Variants in YTHDC1 observed in about 807,000 individuals in gnomAD.
YTHDC1 encodes the protein YTH domain-containing protein 1.
A neutral mutation model predicts 107.0 loss-of-function variants in YTHDC1; 12 were observed. That is an observed-to-expected ratio of 0.11 (90% CI 0.07 to 0.18). The LOEUF (loss-of-function observed/expected upper bound fraction) is 0.18. Ranked by LOEUF, YTHDC1 falls within the 10% of genes least tolerant of loss-of-function variation. The pLI is 1.00. For missense variants in YTHDC1, 635 were observed against 898.8 expected, an observed-to-expected ratio of 0.71 and a Z score of 3.75; for synonymous variants, 280 against 289.5, an observed-to-expected ratio of 0.97 and a Z score of 0.33.
intron 16 of YTHDC1, among the ~76,000 whole-genome samples, chr4:68,315,501 ATATCC>A (rs1721759916): frequency 6.6e-6 from 1 of 152,176 alleles, no homozygotes; most frequent in Non-Finnish European, 1.5e-5. Context: ...TCTAACTTGC[ATATCC>A]TACTTAGTTT....
In YTHDC1 at chr4:68,319,804, T is replaced by C. The variant is rs113810213; in HGVS notation, c.1684+319A>G. Among the ~76,000 whole-genome samples the C allele has an allele frequency of 1.7e-3, 266 of 152,250 alleles. 1 individual carries two copies. The highest frequency in any genetic ancestry group is 6.2e-3 in the African/African-American group (259 of 41,562). On this transcript the variant is annotated intron_variant, in intron 12 of 16. Coordinates refer to ENST00000344157, the MANE Select transcript of YTHDC1 (RefSeq NM_001031732.4). ...CTACCATAGGGAACAAAAAGCCTGA[T>C]AGAATATAAGGTTATTGCTTTTCAT...
At position 68,313,972 on chromosome 4, in the gene YTHDC1, T is replaced by C; in HGVS notation, c.*127A>G. 1 of 1,011,722 alleles carries C rather than the reference T, an allele frequency of 9.9e-7. No homozygotes were observed. The highest frequency in any genetic ancestry group is 1.5e-6 in the Non-Finnish European group (1 of 681,110). 62.7% of individuals were successfully genotyped at this position (1,011,722 alleles called of 1,614,324 possible). A position where few individuals can be genotyped will look rare whatever the true frequency, so the allele number is the denominator to read the frequency against. On this transcript the variant is annotated 3_prime_UTR_variant, in exon 17 of 17. Transcript: ENST00000344157. ...ATGCTTGGAACAAAGGGGGTCATAA[T>C]AAATCCTTCTACACAATGAACTTCA...
intron 7 of YTHDC1, among the ~76,000 whole-genome samples, chr4:68,331,403 T>C (rs930834073): frequency 6.6e-6 from 1 of 152,104 alleles, no homozygotes; most frequent in Non-Finnish European, 1.5e-5. Context: ...GGTAGAAATA[T>C]AGAATACTGA....
chr4:68,343,903 A>G (rs1725129721), intron 1 of YTHDC1: 1 of 152,202 alleles, frequency 6.6e-6, no homozygotes. Context: ...ATTTAGAGCT[A>G]AAATTCAAAT....
chr4:68,330,432 GA>G (rs1560487145), intron 7 of YTHDC1, 122 bp from the exon 8 acceptor site: 1 of 573,132 alleles, frequency 1.7e-6, no homozygotes, highest in African/African-American at 1.9e-5. Flanking sequence ...CTATAATGAA[GA>G]AAGGTTTTAT....
intron 15 of YTHDC1, 34 bp downstream of exon 15, chr4:68,318,480 ATTAAG>A (rs1214280595): frequency 2.6e-6 from 4 of 1,539,622 alleles, no homozygotes; most frequent in Non-Finnish European, 3.5e-6. Context: ...AGAACTGCAA[ATTAAG>A]TTATGTAACT....
At chr4:68,345,331 G>A (rs1725291384) in intron 1 of YTHDC1, among the ~76,000 whole-genome samples, 2 of 152,128 alleles carry the variant, frequency 1.3e-5, no homozygotes, top group South Asian at 4.2e-4. Flanking sequence ...ATCAGACTAA[G>A]ATTTAGTATT....
intron 1 of YTHDC1, among the ~76,000 whole-genome samples, chr4:68,339,789 G>C (rs937017924): frequency 6.6e-6 from 1 of 152,054 alleles, no homozygotes; most frequent in Non-Finnish European, 1.5e-5. Flanking sequence ...AAAACATTTA[G>C]AGCCTGCTGG....
In YTHDC1 at chr4:68,322,852, A is replaced by C; in HGVS notation, c.1498T>G (p.Leu500Val). ...CGCATTTTATGAATGACCTGATACA[A>C]GTCAATACTTTCATCGGGGGGAAAC... The part of the protein sequence containing the change: ...LLFPPDESID[L>V]YQVIHKMRHK... The change falls in exon 11 of 17, where the codon TTG becomes GTG. Residue 500 changes from leucine (L) to valine (V), a missense_variant. Physicochemically the swap from Leu to Val is conservative, Grantham distance 32 (BLOSUM62 1). Coordinates refer to ENST00000344157, the MANE Select transcript of YTHDC1 (RefSeq NM_001031732.4). The surrounding 1 kb of genome is among the most constrained non-coding windows in gnomAD (Gnocchi z 4.8). 1 of 1,614,158 alleles carries C rather than the reference A, an allele frequency of 6.2e-7. No homozygotes were observed. The highest frequency in any genetic ancestry group is 8.5e-7 in the Non-Finnish European group (1 of 1,180,014).
rs190910047 is a variant in YTHDC1, at chr4:68,336,395, T to C, written c.883+632A>G. Among the ~76,000 whole-genome samples the C allele has an allele frequency of 2.6e-5, 4 of 152,190 alleles. No individual in the cohort carries two copies. The East Asian group carries it at 7.8e-4, about 30-fold the overall frequency. On this transcript the variant is annotated intron_variant, in intron 4 of 16. Transcript: ENST00000344157. ...GTCATACATTTTTGTCTCATAGGTA[T>C]AGAGAGGCAGGATATATATAGCATT...
At chr4:68,319,095 A>G (rs1042719679) in intron 12 of YTHDC1, among the ~76,000 whole-genome samples, 1 of 152,162 alleles carries the variant, frequency 6.6e-6, no homozygotes, top group Non-Finnish European at 1.5e-5. Flanking sequence ...TCAGATAGGT[A>G]TCTTCTATGT....
At chr4:68,323,196 T>G (rs115934707) in intron 10 of YTHDC1, among the ~76,000 whole-genome samples, 8,248 of 152,246 alleles carry the variant, frequency 0.054, 313 homozygotes, top group Middle Eastern at 0.092. Context: ...AGGGACTATT[T>G]CTTTGTGCAA....
At chr4:68,347,438 C>T (rs1281157376) in intron 1 of YTHDC1, among the ~76,000 whole-genome samples, 3 of 152,188 alleles carry the variant, frequency 2.0e-5, no homozygotes, top group African/African-American at 7.2e-5. Flanking sequence ...AGCTAGCAAT[C>T]TGTCCACTTA....
At chr4:68,325,700 T>C (rs1216961777) in intron 9 of YTHDC1, among the ~76,000 whole-genome samples, 1 of 152,160 alleles carries the variant, frequency 6.6e-6, no homozygotes, top group Non-Finnish European at 1.5e-5. Flanking sequence ...TCAGATCTTA[T>C]ATAACTTGTT....
intron 16 of YTHDC1, 30 bp from the exon 17 acceptor site, chr4:68,314,353 G>A: frequency 9.3e-6 from 15 of 1,607,378 alleles, no homozygotes; most frequent in Non-Finnish European, 1.3e-5. Flanking sequence ...TGTTAGGTAT[G>A]TCAAAAAGGC....
At position 68,349,713 on chromosome 4, in the gene YTHDC1, T is replaced by C. The variant is rs757163442; in HGVS notation, c.28+13A>G. 18 of 1,606,320 alleles carry C rather than the reference T, an allele frequency of 1.1e-5. No individual in the cohort carries two copies. Among genetic ancestry groups the C allele is most frequent in the South Asian group, 4.4e-5 (4 of 90,826 alleles). On this transcript the variant is annotated intron_variant, in intron 1 of 16. Transcript: ENST00000344157. ...CAGCCTCGCCTCGGCCCGTCATCTT[T>C]CTCCGCACTAACCTTTCTCCTCCCG... is the stretch of plus-strand genomic sequence containing the variant.
intron 1 of YTHDC1, among the ~76,000 whole-genome samples, chr4:68,340,515 C>CA: frequency 6.6e-6 from 1 of 152,028 alleles, no homozygotes; most frequent in South Asian, 2.1e-4. Flanking sequence ...AAAATTTCTT[C>CA]AAGATCTGAA....
rs1560466685 is a variant in YTHDC1, at chr4:68,313,863, A to C, written c.*236T>G. The C allele has an allele frequency of 1.7e-6, 1 of 579,838 alleles. No individual in the cohort carries two copies. Among genetic ancestry groups the C allele is most frequent in the African/African-American group, 1.9e-5 (1 of 53,526 alleles). 35.9% of individuals were successfully genotyped at this position (579,838 alleles called of 1,614,324 possible). On this transcript the variant is annotated 3_prime_UTR_variant, in exon 17 of 17. Coordinates refer to ENST00000344157, the MANE Select transcript of YTHDC1 (RefSeq NM_001031732.4). ...AGTATCTACATTCTTGGACTGTTCC[A>C]TTCTGCCCCAATAAAAGTGTCAATT...
At chr4:68,321,227 T>A (rs1310311158) in intron 11 of YTHDC1, among the ~76,000 whole-genome samples, 2 of 152,232 alleles carry the variant, frequency 1.3e-5, no homozygotes, top group African/African-American at 4.8e-5. Flanking sequence ...GAGTACCAAC[T>A]GCTTTCATTA....
Sources: allele counts gnomAD v4.1 joint callset (sites outside exome capture counted in the v4.1 genomes callset), GRCh38; gene constraint gnomAD v4.1.1; non-coding constraint Gnocchi (gnomAD v3.1); transcripts MANE v1.5; gene names NCBI Gene and HGNC (gene_info 2026-07-23, HGNC 2026-07-21).